Variants in ARHGEF4 observed in about 807,000 individuals in gnomAD.
ARHGEF4 encodes the protein Rho guanine nucleotide exchange factor 4, also known as APC-stimulated guanine nucleotide exchange factor 1.
A neutral mutation model predicts 162.0 loss-of-function variants in ARHGEF4; 119 were observed. The ratio of observed to expected loss-of-function variants is 0.73; its 90% CI spans 0.63 to 0.86. The LOEUF (loss-of-function observed/expected upper bound fraction) is 0.86, where lower values mean the gene tolerates loss of function less well. Among genes scored for constraint, ARHGEF4 ranks in the 40% least tolerant of loss-of-function variants. The probability of loss-of-function intolerance (pLI) is 0.00; values close to 1 mark genes in which losing one functional copy is unlikely to be tolerated. For missense variants in ARHGEF4, 2,488 were observed against 2,456.0 expected, an observed-to-expected ratio of 1.01 and a Z score of -0.28; for synonymous variants, 1,014 against 979.9, an observed-to-expected ratio of 1.03 and a Z score of -0.65.
intron 5 of ARHGEF4, among the ~76,000 whole-genome samples, chr2:131,030,820 G>A (rs1689800724): frequency 1.3e-5 from 2 of 152,202 alleles, no homozygotes; most frequent in African/African-American, 4.8e-5. Flanking sequence ...GCAGACTCAG[G>A]AAAGGTGGTG....
intron 1 of ARHGEF4, among the ~76,000 whole-genome samples, chr2:130,903,022 T>C (rs1021004900): frequency 6.6e-6 from 1 of 152,302 alleles, no homozygotes; most frequent in East Asian, 1.9e-4. Context: ...CTGCCTTTTC[T>C]ATATTGCTTT....
At chr2:130,901,059 G>T (rs1411261034) in intron 1 of ARHGEF4, among the ~76,000 whole-genome samples, 7 of 152,226 alleles carry the variant, frequency 4.6e-5, no homozygotes, top group Non-Finnish European at 7.4e-5. Flanking sequence ...GTGCTGGTGG[G>T]CTTCCCACTC....
intron 3 of ARHGEF4, among the ~76,000 whole-genome samples, chr2:130,935,156 CTATTTATTCATT>C (rs140713337): frequency 0.58 from 87,220 of 150,630 alleles, 29,304 homozygotes; most frequent in East Asian, 0.84. Context: ...AATTTTTTAT[CTATTTATTCATT>C]TATTTATTTA....
chr2:130,956,191 T>C (rs1190205329), intron 4 of ARHGEF4, among the ~76,000 whole-genome samples: 1 of 152,214 alleles, frequency 6.6e-6, no homozygotes, highest in Admixed American at 6.5e-5. Context: ...AAAGAAGACA[T>C]TTATGCAGCC....
intron 2 of ARHGEF4, among the ~76,000 whole-genome samples, chr2:130,923,423 T>C (rs960813933): frequency 7.2e-5 from 11 of 152,206 alleles, no homozygotes; most frequent in Admixed American, 3.3e-4. Context: ...TGTTTGTCCG[T>C]CCTTCTGACA....
At chr2:130,917,897 A>T (rs1395817165) in intron 2 of ARHGEF4, among the ~76,000 whole-genome samples, 1 of 143,888 alleles carries the variant, frequency 6.9e-6, no homozygotes, top group African/African-American at 2.6e-5. Flanking sequence ...ATCTCGGCTC[A>T]CCGCAACCTC....
intron 3 of ARHGEF4, among the ~76,000 whole-genome samples, chr2:130,941,680 A>T (rs1358827094): frequency 6.6e-6 from 1 of 152,208 alleles, no homozygotes; most frequent in Non-Finnish European, 1.5e-5. Context: ...ATGTTAAGAA[A>T]ATCAGAGGGA....
intron 1 of ARHGEF4, among the ~76,000 whole-genome samples, chr2:130,898,789 G>A (rs1680311481): frequency 1.3e-5 from 2 of 152,006 alleles, no homozygotes; most frequent in Admixed American, 1.3e-4. Context: ...CACTGGAAAG[G>A]AAGGCCCTGC....
At chr2:130,932,328 A>G (rs1366842809) in intron 3 of ARHGEF4, among the ~76,000 whole-genome samples, 2 of 151,996 alleles carry the variant, frequency 1.3e-5, no homozygotes, top group Non-Finnish European at 1.5e-5. Context: ...CTCTTCATCC[A>G]TTTCTGAGTA....
At chr2:131,033,088 A>G (rs951077794) in intron 5 of ARHGEF4, among the ~76,000 whole-genome samples, 2 of 151,878 alleles carry the variant, frequency 1.3e-5, no homozygotes, top group African/African-American at 4.8e-5. Context: ...CCTGAGCTCA[A>G]GCGATCTGCC....
chr2:130,839,395 C>T (rs554179576), intron 1 of ARHGEF4, among the ~76,000 whole-genome samples: 1 of 152,298 alleles, frequency 6.6e-6, no homozygotes, highest in South Asian at 2.1e-4. Flanking sequence ...TCTGGGTCTC[C>T]CAGTCAGACT....
chr2:130,894,030 A>T (rs2104996535), intron 1 of ARHGEF4, among the ~76,000 whole-genome samples: 1 of 152,238 alleles, frequency 6.6e-6, no homozygotes, highest in African/African-American at 2.4e-5. Flanking sequence ...CGTCGCCCTG[A>T]TGGGGTCGAG....
At chr2:130,881,558 T>A (rs536802850) in intron 1 of ARHGEF4, among the ~76,000 whole-genome samples, 1 of 151,068 alleles carries the variant, frequency 6.6e-6, no homozygotes, top group South Asian at 2.1e-4. Flanking sequence ...ACTTGAGACC[T>A]TGGGCTTCTG....
At chr2:130,950,993 A>T (rs1036294861) in intron 4 of ARHGEF4, among the ~76,000 whole-genome samples, 2 of 152,166 alleles carry the variant, frequency 1.3e-5, no homozygotes, top group Non-Finnish European at 2.9e-5. Context: ...TTCTGTCCTT[A>T]AATCTCAGGA....
chr2:130,897,567 G>A (rs1680236308), intron 1 of ARHGEF4, among the ~76,000 whole-genome samples: 1 of 152,238 alleles, frequency 6.6e-6, no homozygotes, highest in African/African-American at 2.4e-5. Flanking sequence ...GTGGGTTTGA[G>A]TTCTGACCAC....
At chr2:130,856,090 A>G (rs1403337006) in intron 1 of ARHGEF4, among the ~76,000 whole-genome samples, 1 of 152,226 alleles carries the variant, frequency 6.6e-6, no homozygotes, top group Non-Finnish European at 1.5e-5. Flanking sequence ...AGCTATTATA[A>G]CTCAGTTCAA....
intron 5 of ARHGEF4, chr2:131,035,491 C>A: frequency 1.3e-5 from 1 of 79,410 alleles, no homozygotes; most frequent in Non-Finnish European, 2.3e-5. Flanking sequence ...GTGGGGGCTG[C>A]GGGGGCGAGG....
intron 3 of ARHGEF4, among the ~76,000 whole-genome samples, chr2:130,934,532 T>C (rs933642611): frequency 2.0e-5 from 3 of 152,004 alleles, no homozygotes; most frequent in African/African-American, 4.8e-5. Flanking sequence ...TGTTAAGAGT[T>C]TATATTTCTT....
Position 130,915,657 on chromosome 2 carries a change from G to A in ARHGEF4, c.1711G>A (p.Ala571Thr). ...AIDTSKAAEE[A>T]MVLDPNYREQ... is the part of the protein sequence containing the mutation. ...AGACACTTCAAAGGCAGCCGAAGAAGCCATGGTTCTAGACCCCAACTACAG... is the reference window on the plus strand; with the variant it reads ...AGACACTTCAAAGGCAGCCGAAGAAACCATGGTTCTAGACCCCAACTACAG... The change falls in exon 2 of 14, where the codon GCC becomes ACC. Residue 571 changes from alanine (A) to threonine (T), a missense_variant. Around this residue, in one of 6 missense-constraint regions of ARHGEF4, gnomAD observed 1,642 missense variants for 1,481.5 expected, o/e 1.11. Transcript: ENST00000409359. 6.4e-7 allele frequency: 1 copy of A among 1,550,458 alleles called. No individual in the cohort carries two copies. The highest frequency in any genetic ancestry group is 8.7e-7 in the Non-Finnish European group (1 of 1,146,972).
Sources: allele counts gnomAD v4.1 joint callset (sites outside exome capture counted in the v4.1 genomes callset), GRCh38; gene constraint gnomAD v4.1.1; regional missense constraint gnomAD v4.1.1; transcripts MANE v1.5; gene names NCBI Gene and HGNC (gene_info 2026-07-23, HGNC 2026-07-21).